The following TMEM106B variants were observed in gnomAD, a reference collection of about 807,000 sequenced individuals.
TMEM106B encodes the protein transmembrane protein 106B.
Under a neutral mutation model 31.1 loss-of-function variants are expected in TMEM106B, and 15 were observed. The observed-to-expected ratio is 0.48, with a 90% CI of 0.32 to 0.74. The LOEUF (loss-of-function observed/expected upper bound fraction) is 0.74. TMEM106B is among the 30% of genes least tolerant of loss of function. TMEM106B has a pLI of 0.03. For synonymous variants in TMEM106B, 126 were observed against 112.5 expected, an observed-to-expected ratio of 1.12 and a Z score of -0.76; for missense variants, 283 against 327.3, an observed-to-expected ratio of 0.86 and a Z score of 1.04.
chr7:12,212,601 T>G (rs754644969), intron 1 of TMEM106B, among the ~76,000 whole-genome samples: 1 of 152,178 alleles, frequency 6.6e-6, no homozygotes, highest in Non-Finnish European at 1.5e-5. Flanking sequence ...GTGGATGGCA[T>G]GCGAATTTTA....
At chr7:12,215,367 G>A (rs117851514) in intron 2 of TMEM106B, among the ~76,000 whole-genome samples, 8 of 151,394 alleles carry the variant, frequency 5.3e-5, no homozygotes, top group African/African-American at 1.7e-4. Context: ...TGCTATATCA[G>A]ATGTTAGAAG....
chr7:12,226,957 T>G (rs1157867699), intron 4 of TMEM106B, among the ~76,000 whole-genome samples: 2 of 152,070 alleles, frequency 1.3e-5, no homozygotes, highest in African/African-American at 4.8e-5. Flanking sequence ...TTGGCCTACC[T>G]CCAAAGACTT....
At chr7:12,230,135 T>C (rs887505466) in intron 5 of TMEM106B, among the ~76,000 whole-genome samples, 1 of 151,960 alleles carries the variant, frequency 6.6e-6, no homozygotes, top group Admixed American at 6.6e-5. Flanking sequence ...GGAGGATCAC[T>C]GGAGCCCAGT....
chr7:12,214,772 C>T, intron 1 of TMEM106B, 37 bp from the exon 2 acceptor site: 1 of 1,503,312 alleles, frequency 6.7e-7, no homozygotes, highest in African/African-American at 1.4e-5. Flanking sequence ...GTACTTTTTT[C>T]CCTGAAGTTT....
chr7:12,211,845 CAGA>C (rs1262813121), intron 1 of TMEM106B, among the ~76,000 whole-genome samples: 5 of 152,196 alleles, frequency 3.3e-5, no homozygotes, highest in Non-Finnish European at 7.3e-5. Context: ...AGTGTCTACA[CAGA>C]AGATCAGGAG....
chr7:12,213,441 A>G (rs1039463940), intron 1 of TMEM106B, among the ~76,000 whole-genome samples: 16 of 152,234 alleles, frequency 1.1e-4, no homozygotes, highest in African/African-American at 3.9e-4. Flanking sequence ...GAAACGTACT[A>G]CTTTGAAGTT....
rs572846715 is a variant in TMEM106B, at chr7:12,236,037, A to G, written c.*4062A>G. ...TTTTACATGTTTGAGATGGTGGAGT[A>G]AAAAGACTGTTAAACATTTCTTTTA... On this transcript the variant is annotated 3_prime_UTR_variant, in exon 8 of 8. Transcript: ENST00000396668. The G allele has an allele frequency of 6.6e-6, 1 of 151,982 alleles. No homozygotes were observed. The highest frequency in any genetic ancestry group is 1.5e-5 in the Non-Finnish European group (1 of 67,820). The allele number at this position is 151,982 out of a possible 1,614,324, so 9.4% of individuals were successfully genotyped here.
intron 3 of TMEM106B, among the ~76,000 whole-genome samples, chr7:12,221,113 T>A (rs1306498006): frequency 1.3e-5 from 2 of 152,102 alleles, no homozygotes; most frequent in African/African-American, 4.8e-5. Context: ...TGTGTGTGTC[T>A]GTATCTGTGT....
At position 12,232,109 on chromosome 7, in the gene TMEM106B, G is replaced by T; in HGVS notation, c.*134G>T. On this transcript the variant is annotated 3_prime_UTR_variant, in exon 8 of 8. Coordinates refer to ENST00000396668, the MANE Select transcript of TMEM106B (RefSeq NM_001134232.2). The stretch of plus-strand genomic sequence containing the variant: ...TACACTTCTAAGAGTACAGTTAAAA[G>T]TATGTGGACCTGCAGTTCTTGTAAC... 1.3e-6 allele frequency: 1 copy of T among 752,654 alleles called. No individual in the cohort carries two copies. The highest frequency in any genetic ancestry group is 2.0e-6 in the Non-Finnish European group (1 of 495,440). The allele number at this position is 752,654 out of a possible 1,614,324, so 46.6% of individuals were successfully genotyped here.
rs190475031 is a variant in TMEM106B at position 12,238,997 on chromosome 7, T to C, written c.*7022T>C. 12 of 152,278 alleles carry C rather than the reference T, an allele frequency of 7.9e-5. No individual in the cohort carries two copies. Among genetic ancestry groups the C allele is most frequent in the Admixed American group, 5.2e-4 (8 of 15,282 alleles). The allele number at this position is 152,278 out of a possible 1,614,324, so 9.4% of individuals were successfully genotyped here. A position where few individuals can be genotyped will look rare whatever the true frequency, so the allele number is the denominator to read the frequency against. ...TCCTTTAAAGCTTTAAAGGCAAGCA[T>C]TGACTTCTCTTTAGCTATGAAAGTT... On this transcript the variant is annotated 3_prime_UTR_variant, in exon 8 of 8. Transcript: ENST00000396668.
chr7:12,216,778 A>T (rs1241360823), intron 2 of TMEM106B, among the ~76,000 whole-genome samples: 1 of 152,158 alleles, frequency 6.6e-6, no homozygotes, highest in Non-Finnish European at 1.5e-5. Context: ...AAGAGTGACC[A>T]ACTGTCATAT....
At chr7:12,211,986 G>A (rs1358074228) in intron 1 of TMEM106B, among the ~76,000 whole-genome samples, 2 of 152,084 alleles carry the variant, frequency 1.3e-5, no homozygotes, top group African/African-American at 2.4e-5. Flanking sequence ...TGCAGAAGAG[G>A]GTCTAGCACC....
At chr7:12,212,585 C>T (rs1023876633) in intron 1 of TMEM106B, among the ~76,000 whole-genome samples, 1 of 151,882 alleles carries the variant, frequency 6.6e-6, no homozygotes, top group African/African-American at 2.4e-5. Context: ...TGAGTGACAG[C>T]AACAAGTGGA....
chr7:12,219,048 G>A (rs1195057024), intron 3 of TMEM106B, among the ~76,000 whole-genome samples: 2 of 152,062 alleles, frequency 1.3e-5, no homozygotes, highest in Non-Finnish European at 2.9e-5. Flanking sequence ...CTAGCTTGGA[G>A]AAAGTGCAAA....
intron 2 of TMEM106B, among the ~76,000 whole-genome samples, chr7:12,216,834 G>A (rs536788861): frequency 1.6e-4 from 24 of 152,256 alleles, no homozygotes; most frequent in Middle Eastern, 3.4e-3. Context: ...CTGGCCATTG[G>A]ATTTGGTTAT....
At chr7:12,214,495 A>G in intron 1 of TMEM106B, 1 of 236,272 alleles carries the variant, frequency 4.2e-6, no homozygotes, top group Non-Finnish European at 8.2e-6. Context: ...CCTGCTTCAA[A>G]ATGTCCTGCT....
Position 12,238,423 on chromosome 7 carries a change from TCAATTTC to T in TMEM106B, c.*6449_*6455del, listed in dbSNP as rs1428400928. 1.3e-5 allele frequency: 2 copies of T among 152,158 alleles called. No individual in the cohort carries two copies. The highest frequency in any genetic ancestry group is 3.9e-4 in the East Asian group (2 of 5,180). The allele number at this position is 152,158 out of a possible 1,614,324, so 9.4% of individuals were successfully genotyped here. A position where few individuals can be genotyped will look rare whatever the true frequency, so the allele number is the denominator to read the frequency against. ...TCAAAATTATCCATGAGAGTTGAAA[TCAATTTC>T]TTTCAAACTCCTGTTAATGTTCATA... On this transcript the variant is annotated 3_prime_UTR_variant, in exon 8 of 8. Transcript: ENST00000396668.
chr7:12,242,504 C>A lies in TMEM106B; in HGVS notation c.*10529C>A, dbSNP rs538546323. 2 of 151,494 alleles carry A rather than the reference C, an allele frequency of 1.3e-5. No individual in the cohort carries two copies. The highest frequency in any genetic ancestry group is 2.9e-5 in the Non-Finnish European group (2 of 67,856). 9.4% of individuals were successfully genotyped at this position (151,494 alleles called of 1,614,324 possible). A position where few individuals can be genotyped will look rare whatever the true frequency, so the allele number is the denominator to read the frequency against. ...AGAATAAATCTAAACAGAGACCACACTGATATCTGTAACAACCTATGTAAA... is the reference window on the plus strand; with the variant it reads ...AGAATAAATCTAAACAGAGACCACAATGATATCTGTAACAACCTATGTAAA... On this transcript the variant is annotated 3_prime_UTR_variant, in exon 8 of 8. Transcript: ENST00000396668.
intron 6 of TMEM106B, 64 bp downstream of exon 6, chr7:12,230,502 AG>A: frequency 9.0e-7 from 1 of 1,114,974 alleles, no homozygotes; most frequent in Non-Finnish European, 1.3e-6. Context: ...TAAAGTATAA[AG>A]AGTATACATA....
Sources: allele counts gnomAD v4.1 joint callset (sites outside exome capture counted in the v4.1 genomes callset), GRCh38; gene constraint gnomAD v4.1.1; transcripts MANE v1.5; gene names NCBI Gene and HGNC (gene_info 2026-07-23, HGNC 2026-07-21).